SLCO1A2: variants seen among roughly 807,000 people sequenced by gnomAD.
SLCO1A2 encodes OATP-1.
Under a neutral mutation model 69.0 loss-of-function variants are expected in SLCO1A2, and 67 were observed. The observed-to-expected ratio is 0.97, with a 90% CI of 0.80 to 1.19. The LOEUF (loss-of-function observed/expected upper bound fraction) is 1.19, where lower values mean the gene tolerates loss of function less well. Among genes scored for constraint, SLCO1A2 ranks in the 50% most tolerant of loss-of-function variants. SLCO1A2 has a pLI of 0.00. For missense variants in SLCO1A2, 787 were observed against 793.7 expected, an observed-to-expected ratio of 0.99 and a Z score of 0.10; for synonymous variants, 260 against 265.9, an observed-to-expected ratio of 0.98 and a Z score of 0.22.
intron 2 of SLCO1A2, chr12:21,373,632 C>A (rs948707007): frequency 1.6e-5 from 11 of 700,260 alleles, no homozygotes; most frequent in African/African-American, 1.1e-4. Context: ...TTTGATGGAA[C>A]TTCTGACAGA....
In SLCO1A2 at chr12:21,268,286, A is replaced by T. The variant is rs1942279331; in HGVS notation, c.*1262T>A. The T allele has an allele frequency of 6.6e-6, 1 of 152,052 alleles. No homozygotes were observed. The highest frequency in any genetic ancestry group is 2.1e-4 in the South Asian group (1 of 4,832). 9.4% of individuals were successfully genotyped at this position (152,052 alleles called of 1,614,324 possible). Reference sequence around the variant, plus strand: ...ATTTCAGCTTCCTCCACTCTGTTGTATCCCTGCAGACACTCTCACTCCATT... The same window carrying T: ...ATTTCAGCTTCCTCCACTCTGTTGTTTCCCTGCAGACACTCTCACTCCATT... On this transcript the variant is annotated 3_prime_UTR_variant, in exon 15 of 15. Transcript: ENST00000683939.
chr12:21,275,803 G>A (rs1943713130), intron 12 of SLCO1A2, among the ~76,000 whole-genome samples: 1 of 152,052 alleles, frequency 6.6e-6, no homozygotes, highest in Non-Finnish European at 1.5e-5. Context: ...TTAGCTGGGT[G>A]TGGTGGTGGG....
chr12:21,360,798 C>A (rs566903921), intron 2 of SLCO1A2, among the ~76,000 whole-genome samples: 1 of 152,222 alleles, frequency 6.6e-6, no homozygotes, highest in Non-Finnish European at 1.5e-5. Context: ...GCTAGCACAG[C>A]AGTCTGAGAT....
chr12:21,280,857 A>T (rs1383973439), intron 12 of SLCO1A2, among the ~76,000 whole-genome samples: 1 of 152,100 alleles, frequency 6.6e-6, no homozygotes, highest in African/African-American at 2.4e-5. Context: ...ACCAAGTCTT[A>T]AAACATCCAA....
In SLCO1A2 at chr12:21,304,542, C is replaced by A. The variant is rs759797766; in HGVS notation, c.474G>T (p.Trp158Cys). 6.2e-7 allele frequency: 1 copy of A among 1,612,158 alleles called. No homozygotes were observed. The highest frequency in any genetic ancestry group is 2.2e-5 in the East Asian group (1 of 44,814). The part of the protein sequence containing the change: ...ECTKEVKSLM[W>C]VYVLVGNIVR... ...CAATATTGCCTACTAGGACGTACAC[C>A]CACATTAATGATTTAACTTCCTTTG... The change falls in exon 6 of 15, where the codon TGG becomes TGT. Residue 158 changes from tryptophan to cysteine, a missense_variant. By Grantham distance (215) the Trp-to-Cys change is radical. Coordinates refer to ENST00000683939, the MANE Select transcript of SLCO1A2 (RefSeq NM_001386879.1).
chr12:21,287,030 A>C (rs1244188318), intron 12 of SLCO1A2, among the ~76,000 whole-genome samples: 1 of 131,540 alleles, frequency 7.6e-6, no homozygotes, highest in Non-Finnish European at 1.6e-5. Context: ...TAAACTAAAG[A>C]GCTTCTGCAC....
intron 2 of SLCO1A2, chr12:21,373,550 T>C: frequency 2.7e-6 from 2 of 738,626 alleles, no homozygotes; most frequent in Non-Finnish European, 2.4e-6. Context: ...TTAAGAACAG[T>C]ACCTTCAGCT....
intron 2 of SLCO1A2, among the ~76,000 whole-genome samples, chr12:21,323,335 T>A (rs577803536): frequency 1.3e-5 from 2 of 152,282 alleles, no homozygotes; most frequent in African/African-American, 4.8e-5. Context: ...GGTGTGTTCA[T>A]GGCTTGAGCC....
intron 2 of SLCO1A2, among the ~76,000 whole-genome samples, chr12:21,323,610 A>C (rs1951914539): frequency 6.6e-6 from 1 of 152,146 alleles, no homozygotes; most frequent in Non-Finnish European, 1.5e-5. Flanking sequence ...CTTTAAAAAT[A>C]CATATCTATC....
chr12:21,313,795 C>G (rs978421227), intron 4 of SLCO1A2, among the ~76,000 whole-genome samples: 5 of 150,302 alleles, frequency 3.3e-5, no homozygotes, highest in African/African-American at 1.2e-4. Flanking sequence ...ACAGTGAAAC[C>G]CCGTCTCTAC....
chr12:21,362,381 C>CAAG (rs1938978922), intron 2 of SLCO1A2, among the ~76,000 whole-genome samples: 2 of 152,094 alleles, frequency 1.3e-5, no homozygotes, highest in Admixed American at 1.3e-4. Flanking sequence ...GCCTGACTTA[C>CAAG]AAGAGCTCCT....
At position 21,269,536 on chromosome 12, in the gene SLCO1A2, A is replaced by ATAAT. The variant is rs757502575; in HGVS notation, c.*8_*11dup. On this transcript the variant is annotated 3_prime_UTR_variant, in exon 15 of 15. Coordinates refer to ENST00000683939, the MANE Select transcript of SLCO1A2 (RefSeq NM_001386879.1). ...GTTCTCTAATTCTGAAAAAAGTAAT[A>ATAAT]TAATAGGACAATTACAATTTAGTTT... 6.3e-7 allele frequency: 1 copy of ATAAT among 1,584,046 alleles called. No homozygotes were observed. The highest frequency in any genetic ancestry group is 8.7e-7 in the Non-Finnish European group (1 of 1,155,590).
chr12:21,270,455 T>C (rs1415045185), intron 14 of SLCO1A2, among the ~76,000 whole-genome samples: 1 of 151,800 alleles, frequency 6.6e-6, no homozygotes, highest in Non-Finnish European at 1.5e-5. Context: ...AATTTTTTTC[T>C]TGTACTGAAC....
intron 12 of SLCO1A2, among the ~76,000 whole-genome samples, chr12:21,287,524 C>T (rs1244746248): frequency 1.5e-3 from 208 of 138,258 alleles, no homozygotes; most frequent in African/African-American, 4.5e-3. Flanking sequence ...TATACCCAAA[C>T]GACTATAAAT....
At chr12:21,305,621 A>G (rs963546477) in intron 5 of SLCO1A2, among the ~76,000 whole-genome samples, 2 of 152,256 alleles carry the variant, frequency 1.3e-5, no homozygotes, top group Non-Finnish European at 2.9e-5. Flanking sequence ...GAGATGTGCC[A>G]GAATGGGAAG....
At chr12:21,371,176 G>A (rs1283009300) in intron 2 of SLCO1A2, among the ~76,000 whole-genome samples, 1 of 152,158 alleles carries the variant, frequency 6.6e-6, no homozygotes, top group Admixed American at 6.6e-5. Flanking sequence ...CCTGGAAAGA[G>A]GCAGTAACTC....
intron 4 of SLCO1A2, among the ~76,000 whole-genome samples, chr12:21,311,963 G>A (rs1950225343): frequency 6.6e-6 from 1 of 151,162 alleles, no homozygotes; most frequent in South Asian, 2.1e-4. Flanking sequence ...GAATGAGAAG[G>A]AGAAGAAGAA....
intron 4 of SLCO1A2, among the ~76,000 whole-genome samples, chr12:21,309,723 A>T (rs1949871442): frequency 6.6e-6 from 1 of 152,214 alleles, no homozygotes; most frequent in African/African-American, 2.4e-5. Flanking sequence ...GAAAGAGGAA[A>T]GCAGGAGACA....
At chr12:21,342,552 AT>A (rs764594144) in intron 2 of SLCO1A2, among the ~76,000 whole-genome samples, 6 of 151,976 alleles carry the variant, frequency 3.9e-5, no homozygotes, top group Non-Finnish European at 8.8e-5. Context: ...TCATCTATAA[AT>A]TTATTTCTTA....
Sources: gnomAD v4.1 joint callset for allele counts (sites outside exome capture counted in the v4.1 genomes callset) on GRCh38, gnomAD v4.1.1 for gene constraint, MANE v1.5 for transcripts, NCBI Gene and HGNC (gene_info 2026-07-23, HGNC 2026-07-21) for gene names.